The following PSPH variants were observed in gnomAD, a reference collection of about 807,000 sequenced individuals.
The protein encoded by PSPH is L-3-phosphoserine phosphatase.
A neutral mutation model predicts 23.4 loss-of-function variants in PSPH; 16 were observed. The observed-to-expected ratio is 0.68, with a 90% CI of 0.46 to 1.04. The LOEUF is 1.04. Among genes scored for constraint, PSPH ranks in the 50% least tolerant of loss-of-function variants. PSPH has a pLI of 0.00. For synonymous variants in PSPH, 68 were observed against 99.7 expected, an observed-to-expected ratio of 0.68 and a Z score of 1.89; for missense variants, 223 against 273.7, an observed-to-expected ratio of 0.81 and a Z score of 1.31.
chr7:56,020,092 G>A (rs560588122), intron 4 of PSPH, among the ~76,000 whole-genome samples: 34 of 152,050 alleles, frequency 2.2e-4, no homozygotes, highest in African/African-American at 6.5e-4. Flanking sequence ...GGTGGTGCAC[G>A]CCTGTAATCC....
chr7:56,025,227 T>G (rs1790021536), intron 3 of PSPH, among the ~76,000 whole-genome samples: 1 of 151,986 alleles, frequency 6.6e-6, no homozygotes, highest in South Asian at 2.1e-4. Flanking sequence ...TACACACACA[T>G]TTTTACACAC....
At chr7:56,011,957 G>A (rs1562777945) in intron 7 of PSPH, 88 bp from the exon 8 acceptor site, 1 of 1,061,244 alleles carries the variant, frequency 9.4e-7, no homozygotes, top group Non-Finnish European at 1.4e-6. Flanking sequence ...CCAGGCTGGA[G>A]TGCAGTGACA....
chr7:56,012,734 G>A (rs1467444900), intron 7 of PSPH, among the ~76,000 whole-genome samples: 2 of 149,160 alleles, frequency 1.3e-5, no homozygotes, highest in African/African-American at 2.5e-5. Flanking sequence ...CACTAGCCTC[G>A]CCAACATGGT....
At chr7:56,021,565 C>G (rs972723749) in intron 3 of PSPH, among the ~76,000 whole-genome samples, 1 of 151,284 alleles carries the variant, frequency 6.6e-6, no homozygotes, top group African/African-American at 2.4e-5. Context: ...ATACCTGTGC[C>G]TCCTTGAAGC....
At chr7:56,013,884 T>C (rs1788259399) in intron 7 of PSPH, among the ~76,000 whole-genome samples, 1 of 152,184 alleles carries the variant, frequency 6.6e-6, no homozygotes, top group Non-Finnish European at 1.5e-5. Flanking sequence ...ACCAGCACTT[T>C]GGGAGGCCAA....
intron 1 of PSPH, among the ~76,000 whole-genome samples, chr7:56,049,029 C>T (rs762857252): frequency 2.8e-4 from 42 of 151,860 alleles, no homozygotes; most frequent in Non-Finnish European, 4.9e-4. Flanking sequence ...ATGCCATTCT[C>T]TCACCTCAGC....
At chr7:56,036,802 TA>T (rs1791786254) in intron 1 of PSPH, among the ~76,000 whole-genome samples, 1 of 152,076 alleles carries the variant, frequency 6.6e-6, no homozygotes, top group Non-Finnish European at 1.5e-5. Context: ...TAGAAGACAC[TA>T]ATGAGTGGTC....
intron 1 of PSPH, among the ~76,000 whole-genome samples, chr7:56,047,628 C>T (rs59852874): frequency 0.19 from 28,510 of 151,206 alleles, 2,889 homozygotes; most frequent in African/African-American, 0.24. Context: ...GAAAAGGACA[C>T]GTTAATTTCT....
At chr7:56,023,928 T>G (rs550967829) in intron 3 of PSPH, among the ~76,000 whole-genome samples, 27 of 152,056 alleles carry the variant, frequency 1.8e-4, no homozygotes, top group Non-Finnish European at 3.2e-4. Flanking sequence ...TACTTTTTTT[T>G]TTTGTTTTTT....
intron 5 of PSPH, among the ~76,000 whole-genome samples, chr7:56,018,704 A>G (rs1360929351): frequency 6.6e-6 from 1 of 151,886 alleles, no homozygotes; most frequent in Non-Finnish European, 1.5e-5. Flanking sequence ...GCTCAAACCT[A>G]TAATTCCAAC....
chr7:56,041,911 G>A (rs902225440), intron 1 of PSPH, among the ~76,000 whole-genome samples: 1 of 150,510 alleles, frequency 6.6e-6, no homozygotes, highest in Non-Finnish European at 1.5e-5. Context: ...GCAACAGAGC[G>A]AGACTCTGTC....
intron 3 of PSPH, among the ~76,000 whole-genome samples, chr7:56,029,200 G>T (rs1191963281): frequency 1.3e-5 from 2 of 152,128 alleles, no homozygotes; most frequent in African/African-American, 4.8e-5. Flanking sequence ...GGGGGAAAAA[G>T]TCTGCTGAGT....
chr7:56,018,198 G>C (rs1445998675), intron 5 of PSPH, among the ~76,000 whole-genome samples: 1 of 152,044 alleles, frequency 6.6e-6, no homozygotes, highest in Non-Finnish European at 1.5e-5. Flanking sequence ...ACAAAAATTA[G>C]CTGGGCATGT....
At position 56,011,589 on chromosome 7, in the gene PSPH, TAAA is replaced by T. The variant is rs71015155; in HGVS notation, c.*170_*172del. On this transcript the variant is annotated 3_prime_UTR_variant, in exon 8 of 8. Coordinates refer to ENST00000275605, the MANE Select transcript of PSPH (RefSeq NM_004577.4). ...CATCATATAATACTGGAACTACAGT[TAAA>T]AAAAAAAAAAAAGCAATCTTCTAGG... The T allele has an allele frequency of 6.3e-3, 2,961 of 470,914 alleles. No homozygotes were observed. The highest frequency in any genetic ancestry group is 6.9e-3 in the Non-Finnish European group (1,826 of 264,912). The allele number at this position is 470,914 out of a possible 1,614,324, so 29.2% of individuals were successfully genotyped here.
intron 6 of PSPH, among the ~76,000 whole-genome samples, chr7:56,016,092 T>A (rs1788516230): frequency 6.6e-6 from 1 of 151,952 alleles, no homozygotes. Context: ...ATGATCTCTA[T>A]CTCTAGATCA....
chr7:56,026,488 C>CAAA (rs56089644), intron 3 of PSPH, among the ~76,000 whole-genome samples: 86 of 70,216 alleles, frequency 1.2e-3, no homozygotes, highest in East Asian at 2.9e-3. Flanking sequence ...GACTCCATCT[C>CAAA]AAAAAAAAAA....
chr7:56,024,803 T>G (rs891747802), intron 3 of PSPH, among the ~76,000 whole-genome samples: 10 of 91,932 alleles, frequency 1.1e-4, no homozygotes, highest in Non-Finnish European at 2.0e-4. Flanking sequence ...TATTAATAAA[T>G]CTTTTTTTTT....
At chr7:56,038,228 G>A (rs1469530056) in intron 1 of PSPH, among the ~76,000 whole-genome samples, 1 of 148,552 alleles carries the variant, frequency 6.7e-6, no homozygotes, top group Non-Finnish European at 1.5e-5. Flanking sequence ...CACAAAGTCA[G>A]GAGATGGAAA....
intron 1 of PSPH, among the ~76,000 whole-genome samples, chr7:56,036,951 A>G (rs1361101748): frequency 6.6e-6 from 1 of 152,076 alleles, no homozygotes; most frequent in Non-Finnish European, 1.5e-5. Flanking sequence ...AGGCGGGAGG[A>G]TCACCTGAGG....
Sources: gnomAD v4.1 joint callset for allele counts (sites outside exome capture counted in the v4.1 genomes callset) on GRCh38, gnomAD v4.1.1 for gene constraint, MANE v1.5 for transcripts, NCBI Gene and HGNC (gene_info 2026-07-23, HGNC 2026-07-21) for gene names.